The following NEDD4 variants were observed in gnomAD, a reference collection of about 807,000 sequenced individuals.
The protein encoded by NEDD4 is NEDD4 E3 ubiquitin protein ligase.
NEDD4 carries 99 observed loss-of-function variants against 144.9 expected under a neutral mutation model. The ratio of observed to expected loss-of-function variants is 0.68; its 90% CI spans 0.58 to 0.81. The LOEUF is 0.81. Ranked by LOEUF, NEDD4 falls within the 30% of genes least tolerant of loss-of-function variation. The pLI is 0.00. For synonymous variants in NEDD4, 318 were observed against 350.6 expected (o/e 0.91, Z 1.04); for missense variants, 985 against 1,065.9 (o/e 0.92, Z 1.06).
intron 5 of NEDD4, among the ~76,000 whole-genome samples, chr15:55,906,757 T>C (rs2036114067): frequency 6.6e-6 from 1 of 152,102 alleles, no homozygotes; most frequent in African/African-American, 2.4e-5. Context: ...ATTGTGCACA[T>C]GTACTCTAGA....
At chr15:55,974,428 T>G (rs7180360) in intron 1 of NEDD4, among the ~76,000 whole-genome samples, 2,354 of 152,180 alleles carry the variant, frequency 0.015, 62 homozygotes, top group African/African-American at 0.054. Flanking sequence ...AAGGCCAATA[T>G]TACTCTGATA....
chr15:55,954,109 TG>T (rs2037295045), intron 2 of NEDD4, among the ~76,000 whole-genome samples: 1 of 152,240 alleles, frequency 6.6e-6, no homozygotes, highest in Admixed American at 6.5e-5. Flanking sequence ...AAAAGGCTGT[TG>T]TAAAGTCATC....
At chr15:55,985,958 A>T (rs534472695) in intron 1 of NEDD4, among the ~76,000 whole-genome samples, 1 of 152,344 alleles carries the variant, frequency 6.6e-6, no homozygotes, top group Non-Finnish European at 1.5e-5. Flanking sequence ...GAAGCCTGGA[A>T]CAACTTCTGC....
intron 2 of NEDD4, among the ~76,000 whole-genome samples, chr15:55,960,007 C>T (rs2037400062): frequency 6.6e-6 from 1 of 152,148 alleles, no homozygotes; most frequent in Admixed American, 6.6e-5. Context: ...CAGTTCTCTA[C>T]CTCCTCTCAG....
chr15:55,873,878 A>G (rs2034895534), intron 6 of NEDD4, 80 bp downstream of exon 6: 1 of 583,544 alleles, frequency 1.7e-6, no homozygotes, highest in Non-Finnish European at 2.9e-6. Context: ...AATTATTTAC[A>G]GTAGCTATAT....
chr15:55,968,158 A>G (rs1232631583), intron 1 of NEDD4, among the ~76,000 whole-genome samples: 1 of 152,122 alleles, frequency 6.6e-6, no homozygotes, highest in Non-Finnish European at 1.5e-5. Flanking sequence ...AAATTTTTTC[A>G]TGGATCTTTA....
intron 5 of NEDD4, among the ~76,000 whole-genome samples, chr15:55,894,569 T>C (rs66462353): frequency 0.31 from 47,382 of 151,924 alleles, 7,523 homozygotes; most frequent in South Asian, 0.41. Context: ...ACCTCACAGA[T>C]TGGGGTGAGG....
intron 5 of NEDD4, among the ~76,000 whole-genome samples, chr15:55,906,018 G>A (rs1228976107): frequency 6.6e-6 from 1 of 152,096 alleles, no homozygotes; most frequent in Non-Finnish European, 1.5e-5. Flanking sequence ...GCAGCCAACA[G>A]ACACATGAAA....
At chr15:55,855,938 G>A (rs547512255) in intron 12 of NEDD4, among the ~76,000 whole-genome samples, 193 bp downstream of exon 12, 2 of 152,154 alleles carry the variant, frequency 1.3e-5, no homozygotes, top group Non-Finnish European at 2.9e-5. Flanking sequence ...CAGAGACTTT[G>A]CTTTTAACAT....
intron 9 of NEDD4, among the ~76,000 whole-genome samples, chr15:55,862,205 T>C (rs577461544): frequency 1.7e-4 from 26 of 152,210 alleles, no homozygotes; most frequent in Middle Eastern, 3.4e-3. Flanking sequence ...CAAAATATCA[T>C]AGCCAAAAAT....
In NEDD4 at chr15:55,872,441, A is replaced by C; in HGVS notation, c.378T>G (p.Phe126Leu). Residue 126 changes from phenylalanine (F) to leucine (L), a missense_variant, in exon 7 of 29, where the codon TTT becomes TTG. Coordinates refer to ENST00000435532, the MANE Select transcript of NEDD4 (RefSeq NM_006154.4). ...TTCTTGGATGAAGAACAAAATCCTT[A>C]AATGTATATGGTCTCTCCAATCTTG... ...ENPRLERPYT[F>L]KDFVLHPRSH... The C allele has an allele frequency of 6.8e-7, 1 of 1,471,406 alleles. No homozygotes were observed. The highest frequency in any genetic ancestry group is 9.1e-7 in the Non-Finnish European group (1 of 1,095,840). 91.1% of individuals were successfully genotyped at this position (1,471,406 alleles called of 1,614,324 possible). A position where few individuals can be genotyped will look rare whatever the true frequency, so the allele number is the denominator to read the frequency against.
intron 4 of NEDD4, chr15:55,934,755 C>T (rs1250496512): frequency 6.8e-6 from 1 of 147,924 alleles, no homozygotes; most frequent in African/African-American, 2.5e-5. Flanking sequence ...GAATTATTTT[C>T]TAAAAATACC....
intron 4 of NEDD4, among the ~76,000 whole-genome samples, chr15:55,945,370 C>G (rs1260653290): frequency 8.5e-5 from 13 of 152,208 alleles, no homozygotes; most frequent in African/African-American, 2.9e-4. Flanking sequence ...GATACATGCA[C>G]AAGCTTCAGT....
intron 4 of NEDD4, among the ~76,000 whole-genome samples, chr15:55,945,669 G>A (rs574666996): frequency 1.3e-5 from 2 of 152,096 alleles, no homozygotes; most frequent in Non-Finnish European, 2.9e-5. Context: ...ACACCACAAA[G>A]ATATTCCTCG....
intron 1 of NEDD4, among the ~76,000 whole-genome samples, chr15:55,991,393 A>G (rs1353789301): frequency 6.6e-6 from 1 of 152,230 alleles, no homozygotes. Context: ...GGCAACCTCC[A>G]CAAGAAAAAA....
intron 1 of NEDD4, among the ~76,000 whole-genome samples, chr15:55,974,573 G>A (rs1185205944): frequency 6.6e-6 from 1 of 152,102 alleles, no homozygotes; most frequent in Admixed American, 6.6e-5. Context: ...CATTCATCGT[G>A]ACCAAGTGGG....
rs74848096 is a variant in NEDD4 at position 55,888,350 on chromosome 15, A to G, written c.292-14342T>C. On this transcript the variant is annotated intron_variant, in intron 5 of 28. Coordinates refer to ENST00000435532, the MANE Select transcript of NEDD4 (RefSeq NM_006154.4). ...TCAATGCCAAGAGTAAACAATTTGT[A>G]AAATAAATCAAGAAGGCAATCCTAT... Among the ~76,000 whole-genome samples, 54 of 152,338 alleles carry G rather than the reference A, an allele frequency of 3.5e-4. 1 individual carries two copies. The East Asian group carries it at 0.01, about 29-fold the overall frequency.
chr15:55,973,482 G>C (rs1214921734), intron 1 of NEDD4, among the ~76,000 whole-genome samples: 1 of 152,124 alleles, frequency 6.6e-6, no homozygotes, highest in Non-Finnish European at 1.5e-5. Context: ...GAGGCTGCAA[G>C]GAGCCATGAC....
At chr15:55,859,995 C>T (rs1175532694) in intron 11 of NEDD4, among the ~76,000 whole-genome samples, 1 of 152,206 alleles carries the variant, frequency 6.6e-6, no homozygotes, top group South Asian at 2.1e-4. Flanking sequence ...TGCTTCCCAA[C>T]AGCATCTCAT....
Sources: gnomAD v4.1 joint callset for allele counts (sites outside exome capture counted in the v4.1 genomes callset) on GRCh38, gnomAD v4.1.1 for gene constraint, MANE v1.5 for transcripts, NCBI Gene and HGNC (gene_info 2026-07-23, HGNC 2026-07-21) for gene names.